The following MRTFB variants were observed in gnomAD, a reference collection of about 807,000 sequenced individuals.
MRTFB encodes the protein myocardin related transcription factor B.
In MRTFB, 29 loss-of-function variants were observed where a neutral mutation model predicts 104.2. The ratio of observed to expected loss-of-function variants is 0.28; its 90% CI spans 0.21 to 0.38. The LOEUF is 0.38. MRTFB is among the 10% of genes least tolerant of loss of function. The pLI, the probability that MRTFB is intolerant of heterozygous loss-of-function variation, is 1.00. For synonymous variants in MRTFB, 535 were observed against 519.5 expected, an observed-to-expected ratio of 1.03 and a Z score of -0.41; for missense variants, 1,270 against 1,341.6, an observed-to-expected ratio of 0.95 and a Z score of 0.83.
chr16:14,054,517 C>G, the MRTFB span, among the ~76,000 whole-genome samples: 1 of 152,090 alleles, frequency 6.6e-6, no homozygotes, highest in South Asian at 2.1e-4. Context: ...ATGACCGGCC[C>G]TTTTCATTCT....
At chr16:14,234,422 A>G in intron 9 of MRTFB, 139 bp downstream of exon 9, 3 of 1,004,108 alleles carry the variant, frequency 3.0e-6, no homozygotes, top group Non-Finnish European at 4.2e-6. Flanking sequence ...TAAGCCATGC[A>G]AAGACTTGCT....
chr16:14,254,036 C>T (rs989887704), intron 15 of MRTFB, among the ~76,000 whole-genome samples: 3 of 152,196 alleles, frequency 2.0e-5, no homozygotes, highest in African/African-American at 7.2e-5. Flanking sequence ...CTAAGTCCTG[C>T]TTACTTGATG....
intron 3 of MRTFB, among the ~76,000 whole-genome samples, chr16:14,166,731 G>T (rs1325929414): frequency 6.7e-6 from 1 of 150,228 alleles, no homozygotes; most frequent in Non-Finnish European, 1.5e-5. Context: ...TCATTGTTCA[G>T]CTCCCACCTA....
At position 14,252,455 on chromosome 16, in the gene MRTFB, G is replaced by A. The variant is rs2043295984; in HGVS notation, c.2656G>A (p.Glu886Lys). 6.2e-7 allele frequency: 1 copy of A among 1,613,642 alleles called. No individual in the cohort carries two copies. The highest frequency in any genetic ancestry group is 8.5e-7 in the Non-Finnish European group (1 of 1,179,962). Residue 886 changes from glutamate to lysine, a missense_variant, in exon 15 of 17, where the codon GAG (glutamate) becomes AAG (lysine). Physicochemically the swap from Glu to Lys is moderately conservative, Grantham distance 56. Coordinates refer to ENST00000571589, the MANE Select transcript of MRTFB (RefSeq NM_001308142.2). The stretch of plus-strand genomic sequence containing the variant: ...CAAGACAAAAGATCCCCCCCGCTAT[G>A]AGGAGGCCATCAAGCAGACACGCAG... ...VAKTKDPPRY[E>K]EAIKQTRSTQ...
At chr16:14,037,547 T>C in the MRTFB span, among the ~76,000 whole-genome samples, 1 of 152,142 alleles carries the variant, frequency 6.6e-6, no homozygotes, top group African/African-American at 2.4e-5. Context: ...CTGTATAACT[T>C]TGTGTTTTGA....
chr16:14,246,777 C>T lies in MRTFB; in HGVS notation c.1517C>T (p.Ser506Leu), dbSNP rs1196347084. The T allele has an allele frequency of 5.6e-6, 9 of 1,613,890 alleles. No individual in the cohort carries two copies. The highest frequency in any genetic ancestry group is 1.3e-5 in the African/African-American group (1 of 74,944). ...AATGTTCATTCCCCTCTGCCCATTT[C>T]ACCATCTCCCTCCGAACAGTCCAGT... is the stretch of plus-strand genomic sequence containing the variant. ...VENVHSPLPI[S>L]PSPSEQSSLS... Residue 506 changes from serine (S) to leucine (L), a missense_variant, in exon 12 of 17, where the codon TCA becomes TTA. This residue lies in a region of MRTFB where 1,144 missense variants were observed against 1,131.5 expected (regional missense o/e 1.01). Transcript: ENST00000571589.
intron 2 of MRTFB, among the ~76,000 whole-genome samples, chr16:14,109,345 T>C (rs2036155700): frequency 6.6e-6 from 1 of 152,124 alleles, no homozygotes; most frequent in Non-Finnish European, 1.5e-5. Flanking sequence ...AGCAAACGGA[T>C]GTACTCAGTT....
intron 10 of MRTFB, among the ~76,000 whole-genome samples, chr16:14,244,920 A>T (rs2042947231): frequency 6.6e-6 from 1 of 152,174 alleles, no homozygotes; most frequent in African/African-American, 2.4e-5. Context: ...ATCTTTGTCT[A>T]CCCAAAGGCC....
chr16:14,123,903 T>C (rs535903645), intron 2 of MRTFB, among the ~76,000 whole-genome samples: 8 of 152,372 alleles, frequency 5.3e-5, no homozygotes, highest in Non-Finnish European at 1.0e-4. Context: ...TCCATGAGCA[T>C]GGAATGTTTT....
chr16:14,188,448 A>G (rs1354507758), intron 3 of MRTFB, among the ~76,000 whole-genome samples: 1 of 151,646 alleles, frequency 6.6e-6, no homozygotes, highest in Non-Finnish European at 1.5e-5. Flanking sequence ...CACAACAGCA[A>G]TGGGATTAAG....
At position 14,213,527 on chromosome 16, in the gene MRTFB, CTTT is replaced by C; in HGVS notation, c.277-13_277-11del. ...AAATAATAAATGATTTATGGTAAGA[CTTT>C]TTTTCTTTTTAAAGACTGAAAACTT... is the stretch of plus-strand genomic sequence containing the variant. On this transcript the variant is annotated splice_polypyrimidine_tract_variant and intron_variant, in intron 5 of 16. Coordinates refer to ENST00000571589, the MANE Select transcript of MRTFB (RefSeq NM_001308142.2). 1 of 1,554,934 alleles carries C rather than the reference CTTT, an allele frequency of 6.4e-7. No individual in the cohort carries two copies. Among genetic ancestry groups the C allele is most frequent in the East Asian group, 2.3e-5 (1 of 44,374 alleles).
the MRTFB span, among the ~76,000 whole-genome samples, chr16:14,017,270 A>C: frequency 6.6e-6 from 1 of 151,600 alleles, no homozygotes; most frequent in African/African-American, 2.4e-5. Context: ...GTTAGCCAGG[A>C]TGGTCTCGAT....
chr16:14,178,894 T>C (rs13380786), intron 3 of MRTFB, among the ~76,000 whole-genome samples: 25,751 of 151,906 alleles, frequency 0.17, 5,502 homozygotes, highest in African/African-American at 0.5. Context: ...GGACCAGAGG[T>C]GCACGCCACC....
At chr16:14,019,287 C>CAG in the MRTFB span, 1 of 152,198 alleles carries the variant, frequency 6.6e-6, no homozygotes, top group African/African-American at 2.4e-5. Flanking sequence ...AGAGCATATT[C>CAG]AGCCTTCTGG....
At position 14,097,669 on chromosome 16, in the gene MRTFB, A is replaced by C. The variant is rs546743430; in HGVS notation, c.-64+18315A>C. On this transcript the variant is annotated intron_variant, in intron 2 of 16. Coordinates refer to ENST00000571589, the MANE Select transcript of MRTFB (RefSeq NM_001308142.2). ...ACACCCATGAAACTTTCACCCCAAT[A>C]AGGATGATGAACATATCCATCACCC... 2.6e-5 allele frequency among the ~76,000 whole-genome samples: 4 copies of C among 152,308 alleles called. 1 individual carries two copies. In the East Asian group the frequency reaches 7.7e-4, roughly 29 times the overall value.
intron 13 of MRTFB, among the ~76,000 whole-genome samples, chr16:14,249,777 T>G (rs1396305166): frequency 6.6e-6 from 1 of 152,234 alleles, no homozygotes; most frequent in African/African-American, 2.4e-5. Context: ...AAAATAGGTC[T>G]TACTCTTTTA....
chr16:14,120,040 A>G (rs2036762295), intron 2 of MRTFB, among the ~76,000 whole-genome samples: 1 of 151,932 alleles, frequency 6.6e-6, no homozygotes, highest in Non-Finnish European at 1.5e-5. Flanking sequence ...GAAATAGTAC[A>G]TTTCCTTCAT....
At chr16:14,152,519 TA>T (rs2038664733) in intron 3 of MRTFB, 1 of 152,178 alleles carries the variant, frequency 6.6e-6, no homozygotes, top group Non-Finnish European at 1.5e-5. Context: ...TGGATCCTCT[TA>T]AAATATTTTA....
intron 3 of MRTFB, among the ~76,000 whole-genome samples, chr16:14,159,700 C>T (rs1174816613): frequency 1.3e-5 from 2 of 151,732 alleles, no homozygotes; most frequent in African/African-American, 2.4e-5. Context: ...GAGGCCGAGG[C>T]GGGCGGATCA....
Sources: allele counts gnomAD v4.1 joint callset (sites outside exome capture counted in the v4.1 genomes callset), GRCh38; gene constraint gnomAD v4.1.1; regional missense constraint gnomAD v4.1.1; transcripts MANE v1.5; gene names NCBI Gene and HGNC (gene_info 2026-07-23, HGNC 2026-07-21).